MYOF: variants seen among roughly 807,000 people sequenced by gnomAD.
The protein encoded by MYOF is myoferlin.
A neutral mutation model predicts 284.2 loss-of-function variants in MYOF; 244 were observed. The ratio of observed to expected loss-of-function variants is 0.86; its 90% CI spans 0.77 to 0.95. MYOF has a LOEUF of 0.95. MYOF is among the 40% of genes least tolerant of loss of function. The pLI is 0.00. For synonymous variants in MYOF, 904 were observed against 919.7 expected (o/e 0.98, Z 0.31); for missense variants, 2,496 against 2,560.6 (o/e 0.97, Z 0.54).
At chr10:93,424,468 T>C (rs1848494839) in intron 5 of MYOF, among the ~76,000 whole-genome samples, 1 of 152,034 alleles carries the variant, frequency 6.6e-6, no homozygotes, top group Non-Finnish European at 1.5e-5. Flanking sequence ...TTTTTTTTTG[T>C]CATCACTGCT....
At chr10:93,384,053 A>G (rs138469063) in intron 19 of MYOF, among the ~76,000 whole-genome samples, 320 of 152,292 alleles carry the variant, frequency 2.1e-3, no homozygotes, top group African/African-American at 6.7e-3. Context: ...CCATCAGCAC[A>G]ATTCCCAACA....
chr10:93,441,078 C>T (rs972055505), intron 3 of MYOF, among the ~76,000 whole-genome samples: 4 of 152,112 alleles, frequency 2.6e-5, no homozygotes, highest in African/African-American at 9.7e-5. Flanking sequence ...TTTTGTACAG[C>T]CTGAGAAGCT....
rs548653331 is a variant in MYOF, at chr10:93,396,960, A to G, written c.1334+287T>C. Among the ~76,000 whole-genome samples the G allele has an allele frequency of 2.6e-5, 4 of 152,300 alleles. No individual in the cohort carries two copies. In the South Asian group the frequency reaches 8.3e-4, roughly 32 times the overall value. ...ATGCTTGACTGTATTTCTGAAGTCTATTCTGGACAGCCTAATGATAATTAA... is the reference window on the plus strand; with the variant it reads ...ATGCTTGACTGTATTTCTGAAGTCTGTTCTGGACAGCCTAATGATAATTAA... On this transcript the variant is annotated intron_variant, in intron 15 of 53. Transcript: ENST00000359263.
chr10:93,397,263 GTTTT>G lies in MYOF; in HGVS notation c.1314_1317del (p.Lys439Ter). The G allele has an allele frequency of 6.3e-7, 1 of 1,595,468 alleles. No individual in the cohort carries two copies. Among genetic ancestry groups the G allele is most frequent in the East Asian group, 2.2e-5 (1 of 44,666 alleles). On this transcript the variant is annotated frameshift_variant, in exon 15 of 54. Transcript: ENST00000359263. LOFTEE classifies it high-confidence loss of function. ...TCAACTCACCAGTCATATATTGTTA[GTTTT>G]ATTTTTTCACACACTGAAGGAAACT...
intron 25 of MYOF, among the ~76,000 whole-genome samples, chr10:93,367,659 G>A (rs1309967370): frequency 1.3e-5 from 2 of 152,110 alleles, no homozygotes; most frequent in Admixed American, 1.3e-4. Context: ...GCAAAGACTT[G>A]GCATGGACAA....
chr10:93,430,910 C>G (rs908742872), intron 4 of MYOF, among the ~76,000 whole-genome samples: 3 of 152,128 alleles, frequency 2.0e-5, no homozygotes, highest in Admixed American at 6.5e-5. Flanking sequence ...AGAAAAATCT[C>G]AAAACCAGAT....
At position 93,389,205 on chromosome 10, in the gene MYOF, T is replaced by C. The variant is rs746959628; in HGVS notation, c.1457-51A>G. ...TGTTAGGCTTTTAACATTCAATCTA[T>C]TGAAATAAATATTAGTTATTAGTTA... On this transcript the variant is annotated intron_variant, in intron 17 of 53. Coordinates refer to ENST00000359263, the MANE Select transcript of MYOF (RefSeq NM_013451.4). 5 of 1,564,774 alleles carry C rather than the reference T, an allele frequency of 3.2e-6. No individual in the cohort carries two copies. In the South Asian group the frequency reaches 3.6e-5, roughly 11 times the overall value.
At chr10:93,358,800 T>C (rs990491027) in intron 29 of MYOF, among the ~76,000 whole-genome samples, 1 of 151,680 alleles carries the variant, frequency 6.6e-6, no homozygotes, top group African/African-American at 2.4e-5. Context: ...GGCCGGCGGG[T>C]GGAGGGAGCG....
intron 1 of MYOF, chr10:93,478,186 T>C: frequency 3.1e-6 from 1 of 324,462 alleles, no homozygotes; most frequent in Non-Finnish European, 6.2e-6. Flanking sequence ...CAACCTGTTC[T>C]GTTTGGAGGA....
intron 25 of MYOF, among the ~76,000 whole-genome samples, 163 bp from the exon 26 acceptor site, chr10:93,366,718 T>A (rs1177982357): frequency 6.6e-6 from 1 of 152,202 alleles, no homozygotes; most frequent in Non-Finnish European, 1.5e-5. Flanking sequence ...CTATTACTGA[T>A]TATGCAACTT....
At position 93,416,932 on chromosome 10, in the gene MYOF, C is replaced by T. The variant is rs139759194; in HGVS notation, c.434-7193G>A. On this transcript the variant is annotated intron_variant, in intron 5 of 53. Transcript: ENST00000359263. ...CCATTTTAATAGAATCATAGAACTT[C>T]GGAGCTGGAAGAGACCCTACATATT... Among the ~76,000 whole-genome samples, 405 of 152,242 alleles carry T rather than the reference C, an allele frequency of 2.7e-3. 13 individuals are homozygous for T. In the East Asian group the frequency reaches 0.063, roughly 24 times the overall value.
intron 50 of MYOF, among the ~76,000 whole-genome samples, chr10:93,314,337 C>A (rs1490391433): frequency 1.3e-5 from 2 of 152,226 alleles, no homozygotes; most frequent in Non-Finnish European, 2.9e-5. Context: ...GATCCACCCA[C>A]CTTGGCCTCC....
intron 36 of MYOF, among the ~76,000 whole-genome samples, chr10:93,348,506 A>C (rs1289377072): frequency 1.3e-5 from 2 of 152,154 alleles, no homozygotes; most frequent in African/African-American, 4.8e-5. Flanking sequence ...AACTGGGGTC[A>C]CCTGAGTGGT....
chr10:93,363,949 C>T lies in MYOF; in HGVS notation c.2868+12G>A, dbSNP rs745716616. The T allele has an allele frequency of 2.5e-6, 4 of 1,611,720 alleles. No homozygotes were observed. In the South Asian group the frequency reaches 4.4e-5, roughly 18 times the overall value. On this transcript the variant is annotated intron_variant, in intron 27 of 53. Transcript: ENST00000359263. ...GACAGGTGAGAGTTTCTCTCCGGAGCAGGCCACTCACCGCATCCGTGTAGG... is the reference window on the plus strand; with the variant it reads ...GACAGGTGAGAGTTTCTCTCCGGAGTAGGCCACTCACCGCATCCGTGTAGG...
At position 93,362,228 on chromosome 10, in the gene MYOF, G is replaced by T. The variant is rs373326964; in HGVS notation, c.2869-671C>A. ...CTCCCAAAGTGCTGGGATTACAGGC[G>T]TGAGCAACCACACCTGGCCTGTTTT... On this transcript the variant is annotated intron_variant, in intron 27 of 53. Coordinates refer to ENST00000359263, the MANE Select transcript of MYOF (RefSeq NM_013451.4). Among the ~76,000 whole-genome samples the T allele has an allele frequency of 2.7e-5, 4 of 149,356 alleles. No homozygotes were observed. In the Admixed American group the frequency reaches 2.7e-4, roughly 10 times the overall value.
rs1846769368 is a variant in MYOF, at chr10:93,392,898, A to G, written c.1456+19T>C. The G allele has an allele frequency of 6.2e-7, 1 of 1,605,938 alleles. No individual in the cohort carries two copies. Among genetic ancestry groups the G allele is most frequent in the Non-Finnish European group, 8.5e-7 (1 of 1,173,118 alleles). On this transcript the variant is annotated intron_variant, in intron 17 of 53. Transcript: ENST00000359263. Reference sequence around the variant, plus strand: ...TAGCTAGGAAGATATAACAGAGAGCAAAATTACGAAGCATAAACCTGTATA... The same window carrying G: ...TAGCTAGGAAGATATAACAGAGAGCGAAATTACGAAGCATAAACCTGTATA...
intron 9 of MYOF, among the ~76,000 whole-genome samples, chr10:93,403,576 C>T (rs1393967314): frequency 6.6e-6 from 1 of 152,190 alleles, no homozygotes; most frequent in African/African-American, 2.4e-5. Context: ...AAGAAGCCAA[C>T]CAAGTATTTG....
chr10:93,316,837 A>C, intron 49 of MYOF, 24 bp from the exon 50 acceptor site: 1 of 1,586,656 alleles, frequency 6.3e-7, no homozygotes, highest in Non-Finnish European at 8.7e-7. Context: ...AAACATGATC[A>C]TGATGACTCT....
At chr10:93,409,520 A>T (rs1847796631) in intron 6 of MYOF, 53 bp downstream of exon 6, 1 of 1,579,694 alleles carries the variant, frequency 6.3e-7, no homozygotes, top group Non-Finnish European at 8.6e-7. Context: ...AATTGCCAGA[A>T]GATGGGCAAT....
Sources: allele counts gnomAD v4.1 joint callset (sites outside exome capture counted in the v4.1 genomes callset), GRCh38; gene constraint gnomAD v4.1.1; transcripts MANE v1.5; gene names NCBI Gene and HGNC (gene_info 2026-07-23, HGNC 2026-07-21).